The following GALNT18 variants were observed in gnomAD, a reference collection of about 807,000 sequenced individuals.
GALNT18 encodes GalNAc-transferase 18.
In GALNT18, 44 loss-of-function variants were observed where a neutral mutation model predicts 69.5. That is an observed-to-expected ratio of 0.63 (90% CI 0.50 to 0.81). The LOEUF (loss-of-function observed/expected upper bound fraction) is 0.81, where lower values mean the gene tolerates loss of function less well. Ranked by LOEUF, GALNT18 falls within the 40% of genes least tolerant of loss-of-function variation. The pLI is 0.00. For missense variants in GALNT18, 715 were observed against 810.0 expected (o/e 0.88, Z 1.42); for synonymous variants, 364 against 318.2 (o/e 1.14, Z -1.53).
chr11:11,383,140 C>T lies in GALNT18; in HGVS notation c.596-3876G>A, dbSNP rs1327434003. 6.6e-6 allele frequency among the ~76,000 whole-genome samples: 1 copy of T among 152,168 alleles called. No individual in the cohort carries two copies. Among genetic ancestry groups the T allele is most frequent in the Non-Finnish European group, 1.5e-5 (1 of 68,022 alleles). ...CTCACTCCTGGGAGGTCACAGGCCACTCTCCACATCCCCACGGGGAGCCTC... is the reference window on the plus strand; with the variant it reads ...CTCACTCCTGGGAGGTCACAGGCCATTCTCCACATCCCCACGGGGAGCCTC... On this transcript the variant is annotated intron_variant, in intron 3 of 10. Coordinates refer to ENST00000227756, the MANE Select transcript of GALNT18 (RefSeq NM_198516.3). The surrounding 1 kb of genome is among the most constrained non-coding windows in gnomAD (Gnocchi z 5.2).
intron 1 of GALNT18, among the ~76,000 whole-genome samples, chr11:11,594,435 A>G (rs1421094265): frequency 6.6e-6 from 1 of 152,250 alleles, no homozygotes; most frequent in African/African-American, 2.4e-5. Context: ...CATCACTCCC[A>G]AAAGAAACCC....
chr11:11,491,196 G>A (rs1488614556), intron 1 of GALNT18, among the ~76,000 whole-genome samples: 1 of 152,154 alleles, frequency 6.6e-6, no homozygotes, highest in Admixed American at 6.5e-5. Context: ...GACATGCAAG[G>A]GCACCTCAAC....
chr11:11,485,214 A>G (rs772662319), intron 1 of GALNT18, among the ~76,000 whole-genome samples: 2 of 152,304 alleles, frequency 1.3e-5, no homozygotes, highest in South Asian at 2.1e-4. Flanking sequence ...CTCTAATTCA[A>G]TTCCATTCCG....
Position 11,383,223 on chromosome 11 carries a change from C to T in GALNT18, c.596-3959G>A, listed in dbSNP as rs141210260. On this transcript the variant is annotated intron_variant, in intron 3 of 10. Coordinates refer to ENST00000227756, the MANE Select transcript of GALNT18 (RefSeq NM_198516.3). This position sits in a 1 kb window ranked among gnomAD's most constrained non-coding sequence, Gnocchi z 5.2. The stretch of plus-strand genomic sequence containing the variant: ...CAGCTCTCATTTCTTCAGACTTAGA[C>T]GCCAAGGAAACACAGGGGATTCACC... Among the ~76,000 whole-genome samples the T allele has an allele frequency of 4.7e-3, 711 of 152,260 alleles. 5 individuals are homozygous for T. The highest frequency in any genetic ancestry group is 7.9e-3 in the Non-Finnish European group (537 of 68,012).
At chr11:11,431,722 CA>C (rs1855268493) in intron 3 of GALNT18, among the ~76,000 whole-genome samples, 1 of 152,198 alleles carries the variant, frequency 6.6e-6, no homozygotes, top group Admixed American at 6.5e-5. Flanking sequence ...CTTCTCATTA[CA>C]GCAACTGATT....
In GALNT18 at chr11:11,620,122, G is replaced by A. The variant is rs1032726765; in HGVS notation, c.235+1237C>T. 4.0e-5 allele frequency among the ~76,000 whole-genome samples: 6 copies of A among 151,668 alleles called. No individual in the cohort carries two copies. Among genetic ancestry groups the A allele is most frequent in the East Asian group, 1.9e-4 (1 of 5,146 alleles). On this transcript the variant is annotated intron_variant, in intron 1 of 10. Coordinates refer to ENST00000227756, the MANE Select transcript of GALNT18 (RefSeq NM_198516.3). This position sits in a 1 kb window ranked among gnomAD's most constrained non-coding sequence, Gnocchi z 6.9. Reference sequence around the variant, plus strand: ...TCAGACATCCACGTGTAAACAAAAGGGAGTGCTCCTGGCGGGGGGGTGGGG... The same window carrying A: ...TCAGACATCCACGTGTAAACAAAAGAGAGTGCTCCTGGCGGGGGGGTGGGG...
At chr11:11,426,246 A>G (rs1193467118) in intron 3 of GALNT18, among the ~76,000 whole-genome samples, 1 of 152,226 alleles carries the variant, frequency 6.6e-6, no homozygotes, top group East Asian at 1.9e-4. Context: ...CCCCACATTC[A>G]TGCCATATCC....
chr11:11,452,142 G>C lies in GALNT18; in HGVS notation c.236-3206C>G, dbSNP rs189984482. 7.9e-5 allele frequency among the ~76,000 whole-genome samples: 12 copies of C among 152,290 alleles called. No individual in the cohort carries two copies. In the East Asian group the frequency reaches 1.7e-3, roughly 22 times the overall value. On this transcript the variant is annotated intron_variant, in intron 1 of 10. Coordinates refer to ENST00000227756, the MANE Select transcript of GALNT18 (RefSeq NM_198516.3). ...CCTGTCTGCCCTGTACCTTAGAGTT[G>C]ACTCTCCTGAGGTAAGGAGGCCTTG...
At chr11:11,354,721 T>C (rs1352735043) in intron 6 of GALNT18, among the ~76,000 whole-genome samples, 2 of 152,084 alleles carry the variant, frequency 1.3e-5, no homozygotes, top group African/African-American at 4.8e-5. Context: ...ACACACTACA[T>C]TCCTCTGAGC....
intron 3 of GALNT18, among the ~76,000 whole-genome samples, chr11:11,410,562 T>C (rs1241812672): frequency 1.3e-5 from 2 of 152,230 alleles, no homozygotes; most frequent in Non-Finnish European, 2.9e-5. Context: ...AGGGGCACTG[T>C]ATAATTAATT....
chr11:11,346,187 C>T (rs10831595), intron 6 of GALNT18, among the ~76,000 whole-genome samples: 127,948 of 152,232 alleles, frequency 0.84, 58,014 homozygotes, highest in East Asian at 1. Context: ...TACTTCTGTA[C>T]TTATTCTTTA....
In GALNT18 at chr11:11,359,418, C is replaced by G. The variant is rs1850596248; in HGVS notation, c.1092+13097G>C. Among the ~76,000 whole-genome samples, 2 of 92,386 alleles carry G rather than the reference C, an allele frequency of 2.2e-5. 1 individual carries two copies. Among genetic ancestry groups the G allele is most frequent in the South Asian group, 5.2e-4 (2 of 3,866 alleles). 60.6% of individuals were successfully genotyped at this position (92,386 alleles called of 152,430 possible). A position where few individuals can be genotyped will look rare whatever the true frequency, so the allele number is the denominator to read the frequency against. ...GTCTCAAATAGCAGTGATGCCTGTTCTAGGCAATTGCTAGGGACCCTTCCT... is the reference window on the plus strand; with the variant it reads ...GTCTCAAATAGCAGTGATGCCTGTTGTAGGCAATTGCTAGGGACCCTTCCT... On this transcript the variant is annotated intron_variant, in intron 6 of 10. Coordinates refer to ENST00000227756, the MANE Select transcript of GALNT18 (RefSeq NM_198516.3).
At chr11:11,533,355 T>A (rs529512487) in intron 1 of GALNT18, among the ~76,000 whole-genome samples, 1 of 152,174 alleles carries the variant, frequency 6.6e-6, no homozygotes, top group South Asian at 2.1e-4. Flanking sequence ...GAAGCCAGGA[T>A]CCAAACCCAG....
At position 11,293,883 on chromosome 11, in the gene GALNT18, C is replaced by T. The variant is rs188743611; in HGVS notation, c.1513-690G>A. ...TTGTCAGAGTAAAAAGCCTGGATTG[C>T]GCCTTCAGGGAGCGCAGAGTCTTGT... On this transcript the variant is annotated intron_variant, in intron 9 of 10. Coordinates refer to ENST00000227756, the MANE Select transcript of GALNT18 (RefSeq NM_198516.3). 2.3e-3 allele frequency among the ~76,000 whole-genome samples: 341 copies of T among 149,164 alleles called. 4 individuals carry two copies. The highest frequency in any genetic ancestry group is 5.8e-4 in the Non-Finnish European group (39 of 67,396).
At chr11:11,549,206 G>C (rs1001385493) in intron 1 of GALNT18, among the ~76,000 whole-genome samples, 1 of 152,220 alleles carries the variant, frequency 6.6e-6, no homozygotes, top group African/African-American at 2.4e-5. Context: ...GAAAGCTCAG[G>C]TTGAGGATGA....
intron 1 of GALNT18, among the ~76,000 whole-genome samples, chr11:11,460,129 C>G (rs1018094599): frequency 8.5e-5 from 13 of 152,304 alleles, no homozygotes; most frequent in African/African-American, 2.6e-4. Flanking sequence ...GGCTACTCTC[C>G]CTCTTTAAAA....
At chr11:11,327,636 C>A (rs1483741934) in intron 8 of GALNT18, among the ~76,000 whole-genome samples, 1 of 152,210 alleles carries the variant, frequency 6.6e-6, no homozygotes, top group Non-Finnish European at 1.5e-5. Flanking sequence ...AGTGGCTTGG[C>A]CAGCCCCTTG....
In GALNT18 at chr11:11,463,898, G is replaced by A. The variant is rs1352920712; in HGVS notation, c.236-14962C>T. ...GTCCGGCGGAATGTGTGCAAAAACC[G>A]TCATGCTCATGATTTTGAAAGGGGG... On this transcript the variant is annotated intron_variant, in intron 1 of 10. Coordinates refer to ENST00000227756, the MANE Select transcript of GALNT18 (RefSeq NM_198516.3). The surrounding 1 kb of genome is among the most constrained non-coding windows in gnomAD (Gnocchi z 4.2). 2.0e-5 allele frequency among the ~76,000 whole-genome samples: 3 copies of A among 152,116 alleles called. No individual in the cohort carries two copies. Among genetic ancestry groups the A allele is most frequent in the Admixed American group, 6.5e-5 (1 of 15,272 alleles).
At chr11:11,552,647 G>T (rs1858226850) in intron 1 of GALNT18, among the ~76,000 whole-genome samples, 1 of 152,094 alleles carries the variant, frequency 6.6e-6, no homozygotes. Context: ...CCCTTGTAAG[G>T]GCTCAACAGC....
Sources: gnomAD v4.1 joint callset for allele counts (sites outside exome capture counted in the v4.1 genomes callset) on GRCh38, gnomAD v4.1.1 for gene constraint, Gnocchi (gnomAD v3.1) non-coding constraint, MANE v1.5 for transcripts, NCBI Gene and HGNC (gene_info 2026-07-23, HGNC 2026-07-21) for gene names.